Variants in KLHL1 observed in about 807,000 individuals in gnomAD.
KLHL1 encodes kelch like family member 1.
KLHL1 carries 47 observed loss-of-function variants against 77.7 expected under a neutral mutation model. The ratio of observed to expected loss-of-function variants is 0.60; its 90% confidence interval spans 0.48 to 0.77. The LOEUF is 0.77. KLHL1 is among the 30% of genes least tolerant of loss of function. The pLI, the probability that KLHL1 is intolerant of heterozygous loss-of-function variation, is 0.00. For synonymous variants in KLHL1, 360 were observed against 325.2 expected, an observed-to-expected ratio of 1.11 and a Z score of -1.15; for missense variants, 925 against 910.8, an observed-to-expected ratio of 1.02 and a Z score of -0.20.
intron 4 of KLHL1, among the ~76,000 whole-genome samples, chr13:69,915,622 A>C (rs1011563229): frequency 2.6e-5 from 4 of 152,070 alleles, no homozygotes; most frequent in East Asian, 1.9e-4. Context: ...AAATGTTAGA[A>C]CTGAAACCAT....
At chr13:69,953,372 A>G (rs1883772804) in intron 3 of KLHL1, among the ~76,000 whole-genome samples, 1 of 151,230 alleles carries the variant, frequency 6.6e-6, no homozygotes, top group Non-Finnish European at 1.5e-5. Flanking sequence ...ACTCAATGTG[A>G]CAATGACATA....
At chr13:69,838,931 G>C in intron 6 of KLHL1, 45 bp downstream of exon 6, 1 of 1,273,170 alleles carries the variant, frequency 7.9e-7, no homozygotes, top group Non-Finnish European at 1.1e-6. Flanking sequence ...GCTGCAACAC[G>C]GTATAACACA....
chr13:69,855,393 GAGAT>G (rs1459751876), intron 5 of KLHL1, among the ~76,000 whole-genome samples: 3 of 151,962 alleles, frequency 2.0e-5, no homozygotes, highest in Admixed American at 6.6e-5. Flanking sequence ...GATAGAGATA[GAGAT>G]AGATAGAGAT....
chr13:69,757,754 C>T lies in KLHL1; in HGVS notation c.1640-17198G>A, dbSNP rs146028386. 1.8e-3 allele frequency among the ~76,000 whole-genome samples: 270 copies of T among 151,920 alleles called. 2 individuals are homozygous for T. Among genetic ancestry groups the T allele is most frequent in the Middle Eastern group, 0.014 (4 of 294 alleles). On this transcript the variant is annotated intron_variant, in intron 7 of 10. Transcript: ENST00000377844. ...ATCACCTGAGGTCAGGAGTTTAAGACCAGCCTGGCCAAACCCCATGGTGAA... is the reference window on the plus strand; with the variant it reads ...ATCACCTGAGGTCAGGAGTTTAAGATCAGCCTGGCCAAACCCCATGGTGAA...
At position 69,740,539 on chromosome 13, in the gene KLHL1, C is replaced by T. The variant is rs1324379276; in HGVS notation, c.1657G>A (p.Gly553Ser). Residue 553 changes from glycine (G) to serine (S), a missense_variant, in exon 8 of 11, where the codon GGC becomes AGC. Physicochemically the swap from Gly to Ser is moderately conservative, Grantham distance 56. Transcript: ENST00000377844. ...RHGLGVTVLE[G>S]PIYAVGGHDG... ...TGGCCTCCCACAGCATAAATAGGGC[C>T]TTCAAGTACTGTTACACCTAAAATA... 6.2e-7 allele frequency: 1 copy of T among 1,610,450 alleles called. No individual in the cohort carries two copies. The highest frequency in any genetic ancestry group is 8.5e-7 in the Non-Finnish European group (1 of 1,177,560).
intron 1 of KLHL1, among the ~76,000 whole-genome samples, chr13:70,101,731 C>A (rs1887927955): frequency 6.6e-6 from 1 of 152,072 alleles, no homozygotes. Context: ...ACCTGGCCAA[C>A]AGCCCTATTT....
intron 1 of KLHL1, among the ~76,000 whole-genome samples, chr13:70,033,371 G>C (rs932008545): frequency 1.2e-4 from 18 of 151,846 alleles, no homozygotes; most frequent in Non-Finnish European, 1.3e-4. Flanking sequence ...CTCACTGTAA[G>C]CTCCGCCTCC....
chr13:69,900,440 C>T (rs1006439990), intron 4 of KLHL1, among the ~76,000 whole-genome samples: 7 of 152,192 alleles, frequency 4.6e-5, no homozygotes, highest in Non-Finnish European at 7.3e-5. Flanking sequence ...TTAGAATTTA[C>T]GGGTAAGGGA....
At chr13:70,060,673 C>T (rs958002850) in intron 1 of KLHL1, among the ~76,000 whole-genome samples, 9 of 151,802 alleles carry the variant, frequency 5.9e-5, no homozygotes, top group South Asian at 4.2e-4. Context: ...GTGAAACCCC[C>T]GTCTTGACCA....
chr13:69,876,803 C>T lies in KLHL1; in HGVS notation c.1227+5480G>A, dbSNP rs9542102. On this transcript the variant is annotated intron_variant, in intron 5 of 10. Coordinates refer to ENST00000377844, the MANE Select transcript of KLHL1 (RefSeq NM_020866.3). ...CTGTAATCCCAACACTTTGGGAGGC[C>T]GAGGCGGGTGGATCACCTGAGATCA... Among the ~76,000 whole-genome samples the T allele has an allele frequency of 9.2e-3, 1,403 of 152,192 alleles. 28 individuals carry two copies. Among genetic ancestry groups the T allele is most frequent in the Non-Finnish European group, 9.2e-3 (623 of 68,000 alleles).
chr13:69,957,198 A>G (rs1019262698), intron 3 of KLHL1, among the ~76,000 whole-genome samples: 2 of 151,718 alleles, frequency 1.3e-5, no homozygotes, highest in African/African-American at 4.8e-5. Flanking sequence ...AATGCTCACG[A>G]AACTGTTTTT....
chr13:69,767,296 A>C (rs772572541), intron 7 of KLHL1, among the ~76,000 whole-genome samples: 11 of 152,250 alleles, frequency 7.2e-5, no homozygotes, highest in Non-Finnish European at 1.6e-4. Context: ...GAGTAACAGA[A>C]GGATCATTAG....
intron 7 of KLHL1, among the ~76,000 whole-genome samples, chr13:69,770,605 C>T (rs2137981512): frequency 6.6e-6 from 1 of 152,230 alleles, no homozygotes; most frequent in African/African-American, 2.4e-5. Context: ...TCCCAAAGTG[C>T]TAACATTACA....
intron 4 of KLHL1, among the ~76,000 whole-genome samples, chr13:69,923,928 G>A (rs1489610553): frequency 6.6e-6 from 1 of 152,212 alleles, no homozygotes; most frequent in Non-Finnish European, 1.5e-5. Flanking sequence ...TGCCACCACA[G>A]GCTTGAAAGT....
chr13:69,949,072 C>T (rs1883621185), intron 3 of KLHL1, among the ~76,000 whole-genome samples: 1 of 151,762 alleles, frequency 6.6e-6, no homozygotes, highest in Non-Finnish European at 1.5e-5. Context: ...AGCGATTTTC[C>T]ATATGACATA....
chr13:70,085,402 T>A (rs887559546), intron 1 of KLHL1, among the ~76,000 whole-genome samples: 1 of 152,224 alleles, frequency 6.6e-6, no homozygotes, highest in Non-Finnish European at 1.5e-5. Context: ...AACTTAAGCA[T>A]ACTTTTGAGA....
intron 1 of KLHL1, among the ~76,000 whole-genome samples, chr13:70,026,992 T>C (rs905100950): frequency 6.6e-6 from 1 of 152,100 alleles, no homozygotes; most frequent in Admixed American, 6.6e-5. Flanking sequence ...AAAATAGTTA[T>C]TGACTTTATG....
intron 5 of KLHL1, among the ~76,000 whole-genome samples, chr13:69,871,947 G>C (rs369649080): frequency 3.9e-5 from 6 of 151,930 alleles, no homozygotes; most frequent in African/African-American, 1.4e-4. Context: ...ATCTTTGCCC[G>C]TTACCCAGTG....
intron 9 of KLHL1, among the ~76,000 whole-genome samples, chr13:69,716,883 G>A (rs1336362498): frequency 6.6e-6 from 1 of 151,984 alleles, no homozygotes; most frequent in Non-Finnish European, 1.5e-5. Context: ...ACATCTTCTG[G>A]ACCTAATTTC....
Sources: allele counts gnomAD v4.1 joint callset (sites outside exome capture counted in the v4.1 genomes callset), GRCh38; gene constraint gnomAD v4.1.1; transcripts MANE v1.5; gene names NCBI Gene and HGNC (gene_info 2026-07-23, HGNC 2026-07-21).